The following PRKN variants were observed in gnomAD, a reference collection of about 807,000 sequenced individuals.
The protein encoded by PRKN is parkin RBR E3 ubiquitin protein ligase.
PRKN carries 56 observed loss-of-function variants against 59.5 expected under a neutral mutation model. The observed-to-expected ratio is 0.94, with a 90% CI of 0.76 to 1.18. The LOEUF is 1.18. Among genes scored for constraint, PRKN ranks in the 50% most tolerant of loss-of-function variants. The pLI, the probability that PRKN is intolerant of heterozygous loss-of-function variation, is 0.00. For missense variants in PRKN, 657 were observed against 596.4 expected (o/e 1.10, Z -1.06); for synonymous variants, 250 against 222.1 (o/e 1.13, Z -1.12).
intron 6 of PRKN, among the ~76,000 whole-genome samples, chr6:161,851,276 C>CAGT (rs1186531964): frequency 1.3e-5 from 2 of 152,110 alleles, no homozygotes; most frequent in East Asian, 3.9e-4. Context: ...TGTTATGAAT[C>CAGT]AGTAGGAAGA....
intron 7 of PRKN, among the ~76,000 whole-genome samples, chr6:161,729,898 T>G (rs538264382): frequency 6.6e-6 from 1 of 151,888 alleles, no homozygotes; most frequent in Non-Finnish European, 1.5e-5. Context: ...TATTCTGGCA[T>G]GTTGCATTCT....
chr6:162,577,659 A>T (rs1475508675), intron 1 of PRKN, among the ~76,000 whole-genome samples: 1 of 151,690 alleles, frequency 6.6e-6, no homozygotes, highest in African/African-American at 2.4e-5. Flanking sequence ...GGCCAGGCAC[A>T]GTGGCTCACC....
intron 9 of PRKN, among the ~76,000 whole-genome samples, chr6:161,425,807 G>A (rs1457228571): frequency 1.3e-5 from 2 of 152,088 alleles, no homozygotes; most frequent in Non-Finnish European, 2.9e-5. Flanking sequence ...TAATATAGAC[G>A]AGACGCCTTG....
At chr6:162,370,242 G>A (rs1785680089) in intron 2 of PRKN, among the ~76,000 whole-genome samples, 1 of 152,042 alleles carries the variant, frequency 6.6e-6, no homozygotes, top group African/African-American at 2.4e-5. Flanking sequence ...GTGACAAGGT[G>A]GGATCACCTG....
At chr6:162,379,699 TGGCGTCTCCTGGG>T (rs1228112937) in intron 2 of PRKN, among the ~76,000 whole-genome samples, 1 of 152,192 alleles carries the variant, frequency 6.6e-6, no homozygotes, top group East Asian at 1.9e-4. Flanking sequence ...CAGGTTTCCT[TGGCGTCTCCTGGG>T]GACGTCACAT....
At chr6:161,634,013 C>T (rs1021682416) in intron 7 of PRKN, among the ~76,000 whole-genome samples, 3 of 151,302 alleles carry the variant, frequency 2.0e-5, no homozygotes, top group Admixed American at 6.6e-5. Context: ...CACACACACA[C>T]ACACACACAC....
intron 1 of PRKN, among the ~76,000 whole-genome samples, chr6:162,678,119 T>G (rs1779621968): frequency 6.6e-6 from 1 of 152,264 alleles, no homozygotes; most frequent in African/African-American, 2.4e-5. Context: ...CATTTCATGC[T>G]GTTGCATGTA....
chr6:162,481,576 C>T (rs1792314007), intron 1 of PRKN, among the ~76,000 whole-genome samples: 1 of 152,178 alleles, frequency 6.6e-6, no homozygotes, highest in African/African-American at 2.4e-5. Context: ...TTTGGCATCT[C>T]ACTGGGATGC....
intron 2 of PRKN, among the ~76,000 whole-genome samples, chr6:162,313,815 A>AT (rs1782634877): frequency 6.6e-6 from 1 of 152,030 alleles, no homozygotes; most frequent in Non-Finnish European, 1.5e-5. Flanking sequence ...TTATCCATTC[A>AT]CACATCAATG....
intron 10 of PRKN, among the ~76,000 whole-genome samples, chr6:161,367,041 A>G (rs1277330412): frequency 3.4e-5 from 4 of 117,574 alleles, no homozygotes; most frequent in Non-Finnish European, 6.3e-5. Flanking sequence ...CCCAGGCTGG[A>G]CTGCAGTGGC....
chr6:162,550,855 GA>G (rs2128203536), intron 1 of PRKN, among the ~76,000 whole-genome samples: 1 of 152,262 alleles, frequency 6.6e-6, no homozygotes, highest in African/African-American at 2.4e-5. Context: ...CAGCCCACTG[GA>G]GTGGCGTGTG....
At chr6:161,520,083 T>C (rs1778761868) in intron 9 of PRKN, among the ~76,000 whole-genome samples, 1 of 152,214 alleles carries the variant, frequency 6.6e-6, no homozygotes, top group Non-Finnish European at 1.5e-5. Flanking sequence ...GGTTTGCCTG[T>C]TCTTGCTGTA....
intron 1 of PRKN, among the ~76,000 whole-genome samples, chr6:162,662,830 G>C (rs1001198130): frequency 5.3e-5 from 8 of 152,110 alleles, no homozygotes; most frequent in Non-Finnish European, 1.2e-4. Flanking sequence ...CTATAGCTTT[G>C]TGGTATAATT....
intron 9 of PRKN, among the ~76,000 whole-genome samples, chr6:161,535,372 T>C (rs1399793649): frequency 1.3e-5 from 2 of 152,150 alleles, no homozygotes; most frequent in Admixed American, 6.5e-5. Flanking sequence ...AAAAAAGAAG[T>C]AGTTTCATGC....
At chr6:161,692,385 G>A (rs923742565) in intron 7 of PRKN, among the ~76,000 whole-genome samples, 2 of 152,176 alleles carry the variant, frequency 1.3e-5, no homozygotes, top group African/African-American at 2.4e-5. Flanking sequence ...CACTGAGCAC[G>A]TCATTGCTTT....
chr6:161,464,149 G>A (rs1790336710), intron 9 of PRKN, among the ~76,000 whole-genome samples: 1 of 152,044 alleles, frequency 6.6e-6, no homozygotes, highest in African/African-American at 2.4e-5. Context: ...TTAGTAGCTG[G>A]GATTACAGGC....
At chr6:161,978,705 G>A (rs942083646) in intron 5 of PRKN, among the ~76,000 whole-genome samples, 1 of 152,258 alleles carries the variant, frequency 6.6e-6, no homozygotes, top group African/African-American at 2.4e-5. Flanking sequence ...GGTCACTGGG[G>A]CATAGCAGGG....
Position 161,359,357 on chromosome 6 carries a change from C to T in PRKN, c.1285+731G>A, listed in dbSNP as rs753370774. Among the ~76,000 whole-genome samples, 3 of 152,194 alleles carry T rather than the reference C, an allele frequency of 2.0e-5. No homozygotes were observed. The highest frequency in any genetic ancestry group is 4.4e-5 in the Non-Finnish European group (3 of 68,034). On this transcript the variant is annotated intron_variant, in intron 11 of 11. Transcript: ENST00000366898. The surrounding 1 kb of genome is among the most constrained non-coding windows in gnomAD (Gnocchi z 5.4). ...GCTTGAGTGCCCATCCTGGGATGGC[C>T]GGGCTTCCCTCCCGCAAGTCAGCTC...
In PRKN at chr6:161,518,968, T is replaced by A. The variant is rs1365108382; in HGVS notation, c.1083+29886A>T. Among the ~76,000 whole-genome samples the A allele has an allele frequency of 1.3e-5, 2 of 152,136 alleles. No homozygotes were observed. Among genetic ancestry groups the A allele is most frequent in the African/African-American group, 4.8e-5 (2 of 41,446 alleles). ...GCATGGAACTCTGGGAAAACTGCAC[T>A]CGTGTCCAGATGCAAGTAAATGATA... On this transcript the variant is annotated intron_variant, in intron 9 of 11. Transcript: ENST00000366898. This position sits in a 1 kb window ranked among gnomAD's most constrained non-coding sequence, Gnocchi z 5.0.
Sources: allele counts gnomAD v4.1 joint callset (sites outside exome capture counted in the v4.1 genomes callset), GRCh38; gene constraint gnomAD v4.1.1; non-coding constraint Gnocchi (gnomAD v3.1); transcripts MANE v1.5; gene names NCBI Gene and HGNC (gene_info 2026-07-23, HGNC 2026-07-21).